ASIC2: variants seen among roughly 807,000 people sequenced by gnomAD.
ASIC2 encodes the protein acid sensing ion channel subunit 2, also known as acid-sensing ion channel 2.
ASIC2 carries 25 observed loss-of-function variants against 57.3 expected under a neutral mutation model. The ratio of observed to expected loss-of-function variants is 0.44; its 90% CI spans 0.32 to 0.61. The LOEUF is 0.61. Among genes scored for constraint, ASIC2 ranks in the 20% least tolerant of loss-of-function variants. The pLI, the probability that ASIC2 is intolerant of heterozygous loss-of-function variation, is 0.06. For synonymous variants in ASIC2, 319 were observed against 307.5 expected (o/e 1.04, Z -0.39); for missense variants, 641 against 738.1 (o/e 0.87, Z 1.52).
chr17:33,023,180 CT>C (rs1384218132), intron 6 of ASIC2, among the ~76,000 whole-genome samples: 1 of 152,136 alleles, frequency 6.6e-6, no homozygotes, highest in Non-Finnish European at 1.5e-5. Context: ...GCCTGGAAAA[CT>C]ATACATCCTT....
chr17:33,487,984 G>T (rs1297330292), intron 1 of ASIC2, among the ~76,000 whole-genome samples: 3 of 152,158 alleles, frequency 2.0e-5, no homozygotes, highest in Non-Finnish European at 4.4e-5. Flanking sequence ...TCCTCAACTT[G>T]CAGATGGCCT....
chr17:33,956,077 G>A (rs1002394466), intron 1 of ASIC2, among the ~76,000 whole-genome samples: 12 of 152,098 alleles, frequency 7.9e-5, no homozygotes, highest in Non-Finnish European at 1.6e-4. Flanking sequence ...ACAAGTCAGA[G>A]GTAGAGTGCC....
intron 1 of ASIC2, among the ~76,000 whole-genome samples, chr17:33,396,964 C>T (rs1481208115): frequency 6.6e-6 from 1 of 152,200 alleles, no homozygotes; most frequent in Non-Finnish European, 1.5e-5. Context: ...TTTATTCTTC[C>T]CTCCCCTACC....
intron 1 of ASIC2, among the ~76,000 whole-genome samples, chr17:33,976,218 G>A (rs2932919): frequency 0.56 from 84,032 of 151,228 alleles, 23,907 homozygotes; most frequent in Non-Finnish European, 0.64. Context: ...TGTTGAGTGA[G>A]TTTAACAATA....
intron 1 of ASIC2, among the ~76,000 whole-genome samples, chr17:34,074,692 G>A (rs994428333): frequency 6.6e-6 from 1 of 151,990 alleles, no homozygotes; most frequent in Non-Finnish European, 1.5e-5. Context: ...GTGTTTCAGG[G>A]CCACTGTAGC....
chr17:33,799,388 TTC>T (rs1257752219), intron 1 of ASIC2, among the ~76,000 whole-genome samples: 7 of 67,632 alleles, frequency 1.0e-4, no homozygotes, highest in Non-Finnish European at 1.7e-4. Flanking sequence ...CTTTCTTTCT[TTC>T]TTTCTTTCTT....
At chr17:34,066,991 T>C in intron 1 of ASIC2, among the ~76,000 whole-genome samples, 1 of 152,198 alleles carries the variant, frequency 6.6e-6, no homozygotes, top group African/African-American at 2.4e-5. Context: ...GCACTACCAA[T>C]TTAGAACTGC....
At chr17:33,975,746 C>T (rs1470776426) in intron 1 of ASIC2, among the ~76,000 whole-genome samples, 1 of 152,020 alleles carries the variant, frequency 6.6e-6, no homozygotes, top group Admixed American at 6.6e-5. Context: ...CACATCATTG[C>T]CCTGTCAATG....
intron 1 of ASIC2, among the ~76,000 whole-genome samples, chr17:33,279,733 T>A (rs541751151): frequency 1.2e-4 from 18 of 152,296 alleles, no homozygotes; most frequent in East Asian, 7.7e-4. Context: ...ATAATTTTTT[T>A]AAAATTAGAC....
At chr17:33,040,314 T>C (rs960283041) in intron 3 of ASIC2, among the ~76,000 whole-genome samples, 4 of 152,260 alleles carry the variant, frequency 2.6e-5, no homozygotes, top group African/African-American at 9.6e-5. Context: ...CTGTGTATTA[T>C]TGGCTGGGAA....
intron 1 of ASIC2, among the ~76,000 whole-genome samples, chr17:34,081,857 T>C (rs1909896757): frequency 6.6e-6 from 1 of 152,148 alleles, no homozygotes; most frequent in South Asian, 2.1e-4. Context: ...AGTTTCAGAG[T>C]AGTAGTAAGT....
chr17:33,187,491 A>C (rs1349910725), intron 1 of ASIC2, among the ~76,000 whole-genome samples: 3 of 152,178 alleles, frequency 2.0e-5, no homozygotes, highest in Non-Finnish European at 4.4e-5. Flanking sequence ...TGTTGATTGT[A>C]ATGGTTCCTA....
chr17:33,219,416 T>C (rs1261016349), intron 1 of ASIC2, among the ~76,000 whole-genome samples: 5 of 152,214 alleles, frequency 3.3e-5, no homozygotes, highest in Admixed American at 6.5e-5. Flanking sequence ...CAATACATAT[T>C]TCCTGCCTCC....
chr17:33,321,163 T>C (rs1405543103), intron 1 of ASIC2, among the ~76,000 whole-genome samples: 1 of 152,198 alleles, frequency 6.6e-6, no homozygotes, highest in African/African-American at 2.4e-5. Flanking sequence ...TATGTCTGTA[T>C]CTCAGCACCT....
chr17:33,414,577 C>T (rs1042393765), intron 1 of ASIC2, among the ~76,000 whole-genome samples: 3 of 152,140 alleles, frequency 2.0e-5, no homozygotes, highest in Non-Finnish European at 4.4e-5. Context: ...TTGGGGCTCT[C>T]CTCTTTCTCA....
chr17:33,686,210 G>T (rs935763451), intron 1 of ASIC2, among the ~76,000 whole-genome samples: 12 of 152,172 alleles, frequency 7.9e-5, no homozygotes, highest in African/African-American at 2.9e-4. Context: ...GTATGAAGGT[G>T]CAAGTACCGG....
chr17:33,747,719 G>A (rs1187715254), intron 1 of ASIC2, among the ~76,000 whole-genome samples: 1 of 152,166 alleles, frequency 6.6e-6, no homozygotes, highest in Non-Finnish European at 1.5e-5. Context: ...CAAGTCCAGA[G>A]AGGGAGTGAC....
chr17:33,978,391 G>A (rs774174700), intron 1 of ASIC2, among the ~76,000 whole-genome samples: 11 of 152,176 alleles, frequency 7.2e-5, no homozygotes, highest in African/African-American at 2.2e-4. Flanking sequence ...AGACTGCCCC[G>A]TCAAGATCCA....
At chr17:33,239,973 G>A (rs1335458865) in intron 1 of ASIC2, among the ~76,000 whole-genome samples, 1 of 152,180 alleles carries the variant, frequency 6.6e-6, no homozygotes, top group Non-Finnish European at 1.5e-5. Flanking sequence ...GCATTGTTCT[G>A]TATCTGCCAG....
Sources: allele counts gnomAD v4.1 joint callset (sites outside exome capture counted in the v4.1 genomes callset), GRCh38; gene constraint gnomAD v4.1.1; transcripts MANE v1.5; gene names NCBI Gene and HGNC (gene_info 2026-07-23, HGNC 2026-07-21).